The following ESR1 variants were observed in gnomAD, a reference collection of about 807,000 sequenced individuals.
ESR1 encodes the protein estrogen receptor 1.
ESR1 carries 12 observed loss-of-function variants against 52.7 expected under a neutral mutation model. The ratio of observed to expected loss-of-function variants is 0.23; its 90% confidence interval spans 0.15 to 0.37. The LOEUF is 0.37. ESR1 is among the 10% of genes least tolerant of loss of function. The probability of loss-of-function intolerance (pLI) is 1.00; values close to 1 mark genes in which losing one functional copy is unlikely to be tolerated. For missense variants in ESR1, 584 were observed against 779.7 expected (o/e 0.75, Z 2.99); for synonymous variants, 305 against 316.8 (o/e 0.96, Z 0.39).
intron 1 of ESR1, among the ~76,000 whole-genome samples, chr6:151,699,008 G>A (rs551379001): frequency 6.6e-6 from 1 of 152,306 alleles, no homozygotes; most frequent in African/African-American, 2.4e-5. Flanking sequence ...AAAGCAGAAA[G>A]CAAAGGTCTC....
intron 4 of ESR1, 101 bp downstream of exon 4, chr6:151,944,609 T>C: frequency 1.9e-6 from 2 of 1,044,752 alleles, no homozygotes; most frequent in Non-Finnish European, 2.9e-6. Flanking sequence ...AATAACATGT[T>C]ATGTAATTGG....
intron 2 of ESR1, among the ~76,000 whole-genome samples, chr6:151,871,531 G>A (rs2128310936): frequency 6.6e-6 from 1 of 152,174 alleles, no homozygotes. Context: ...AGCCTCCCAA[G>A]TAGCTGGGAT....
chr6:152,069,990 G>A lies in ESR1; in HGVS notation c.1369+8866G>A, dbSNP rs544350849. Among the ~76,000 whole-genome samples, 5 of 137,690 alleles carry A rather than the reference G, an allele frequency of 3.6e-5. 2 individuals carry two copies. The highest frequency in any genetic ancestry group is 1.6e-4 in the African/African-American group (5 of 31,074). The allele number at this position is 137,690 out of a possible 152,430, so 90.3% of individuals were successfully genotyped here. Reference sequence around the variant, plus strand: ...ATGATTTCAAGGATGAGTAGGATTAGCTGGAGTCAGAAGGACACAAGGGAA... The same window carrying A: ...ATGATTTCAAGGATGAGTAGGATTAACTGGAGTCAGAAGGACACAAGGGAA... On this transcript the variant is annotated intron_variant, in intron 6 of 7. Transcript: ENST00000206249.
chr6:151,919,968 T>G (rs971982377), intron 3 of ESR1, among the ~76,000 whole-genome samples: 5 of 152,132 alleles, frequency 3.3e-5, no homozygotes, highest in Non-Finnish European at 5.9e-5. Flanking sequence ...ATGATTGAAC[T>G]TATTTACCCA....
intron 5 of ESR1, among the ~76,000 whole-genome samples, chr6:152,024,742 G>T (rs1243229103): frequency 6.8e-6 from 1 of 146,334 alleles, no homozygotes; most frequent in South Asian, 2.1e-4. Flanking sequence ...TACATGTATT[G>T]TATTTATATA....
intron 6 of ESR1, among the ~76,000 whole-genome samples, chr6:152,092,754 C>A (rs907147834): frequency 3.9e-4 from 59 of 152,084 alleles, no homozygotes; most frequent in Admixed American, 3.5e-3. Context: ...CTTGTAGTCC[C>A]AAAAAAGCCT....
At chr6:151,956,843 A>AATAAATATATAT (rs1554293623) in intron 4 of ESR1, among the ~76,000 whole-genome samples, 596 of 44,454 alleles carry the variant, frequency 0.013, 17 homozygotes, top group East Asian at 0.082. Context: ...AATATAAATA[A>AATAAATATATAT]ATATATATAT....
chr6:151,665,814 A>C (rs1039378462), intron 1 of ESR1, among the ~76,000 whole-genome samples: 6 of 152,228 alleles, frequency 3.9e-5, no homozygotes, highest in Non-Finnish European at 7.3e-5. Context: ...GAATATAGAG[A>C]CATTATCTCA....
chr6:151,660,864 C>T (rs77986892), intron 1 of ESR1, among the ~76,000 whole-genome samples: 5,353 of 152,254 alleles, frequency 0.035, 111 homozygotes, highest in Non-Finnish European at 0.053. Context: ...TTAAACCTTT[C>T]GCACTCACGA....
At chr6:152,093,079 C>A (rs906622229) in intron 6 of ESR1, among the ~76,000 whole-genome samples, 4 of 152,082 alleles carry the variant, frequency 2.6e-5, no homozygotes, top group Non-Finnish European at 4.4e-5. Context: ...GAGTTCAAGA[C>A]CAGCCTGCCC....
intron 6 of ESR1, among the ~76,000 whole-genome samples, chr6:152,089,069 A>G (rs1012563839): frequency 1.3e-5 from 2 of 152,216 alleles, no homozygotes; most frequent in Admixed American, 6.5e-5. Context: ...TATCCTTTGG[A>G]TGAGCAATGG....
chr6:151,769,921 G>A (rs1015088552), intron 2 of ESR1, among the ~76,000 whole-genome samples: 4 of 151,932 alleles, frequency 2.6e-5, no homozygotes, highest in Non-Finnish European at 4.4e-5. Context: ...CCGGCTACTC[G>A]GGAAACTGAG....
At chr6:151,757,115 T>C (rs577361015) in intron 2 of ESR1, among the ~76,000 whole-genome samples, 45 of 152,218 alleles carry the variant, frequency 3.0e-4, no homozygotes, top group African/African-American at 9.6e-4. Flanking sequence ...TTTGCATTAG[T>C]GAGGGTTCAC....
At chr6:151,716,180 G>A (rs1432356908) in intron 2 of ESR1, among the ~76,000 whole-genome samples, 1 of 152,170 alleles carries the variant, frequency 6.6e-6, no homozygotes, top group African/African-American at 2.4e-5. Flanking sequence ...AGCAAAGATT[G>A]CTGCCTGTTC....
intron 2 of ESR1, among the ~76,000 whole-genome samples, chr6:151,749,025 T>C (rs1398525949): frequency 6.6e-6 from 1 of 152,072 alleles, no homozygotes; most frequent in Non-Finnish European, 1.5e-5. Context: ...TGCTTACAAG[T>C]AATATATAGT....
chr6:151,989,799 G>T, intron 4 of ESR1, among the ~76,000 whole-genome samples: 1 of 152,074 alleles, frequency 6.6e-6, no homozygotes, highest in East Asian at 1.9e-4. Flanking sequence ...CTGACACTTA[G>T]TAATTGGATT....
At chr6:151,904,609 C>T (rs143856932) in intron 3 of ESR1, among the ~76,000 whole-genome samples, 2 of 152,202 alleles carry the variant, frequency 1.3e-5, no homozygotes, top group Non-Finnish European at 2.9e-5. Context: ...TGGTTTTTAA[C>T]ACATTCATGC....
At chr6:151,792,966 C>G (rs947663513) in intron 2 of ESR1, among the ~76,000 whole-genome samples, 1 of 151,962 alleles carries the variant, frequency 6.6e-6, no homozygotes, top group Non-Finnish European at 1.5e-5. Flanking sequence ...GTCAGGAGAT[C>G]GAGACCATCC....
chr6:151,912,549 G>A (rs1798428459), intron 3 of ESR1, among the ~76,000 whole-genome samples: 1 of 152,168 alleles, frequency 6.6e-6, no homozygotes, highest in Admixed American at 6.5e-5. Context: ...AAAATATGGT[G>A]TCAGTAATTA....
Sources: allele counts gnomAD v4.1 joint callset (sites outside exome capture counted in the v4.1 genomes callset), GRCh38; gene constraint gnomAD v4.1.1; transcripts MANE v1.5; gene names NCBI Gene and HGNC (gene_info 2026-07-23, HGNC 2026-07-21).